SGSM1: variants seen among roughly 807,000 people sequenced by gnomAD.
The protein encoded by SGSM1 is small G protein signaling modulator 1.
Under a neutral mutation model 133.8 loss-of-function variants are expected in SGSM1, and 73 were observed. That is an observed-to-expected ratio of 0.55 (90% CI 0.45 to 0.66). The LOEUF is 0.66. Ranked by LOEUF, SGSM1 falls within the 30% of genes least tolerant of loss-of-function variation. SGSM1 has a pLI of 0.00. For missense variants in SGSM1, 1,213 were observed against 1,448.1 expected (o/e 0.84, Z 2.64); for synonymous variants, 563 against 573.0 (o/e 0.98, Z 0.25).
chr22:24,871,100 G>C (rs1931743183), intron 12 of SGSM1, among the ~76,000 whole-genome samples: 1 of 152,166 alleles, frequency 6.6e-6, no homozygotes, highest in African/African-American at 2.4e-5. Flanking sequence ...TGTAGGAGGT[G>C]GTCCTGTGCA....
Position 24,859,706 on chromosome 22 carries a change from C to T in SGSM1, c.802-10C>T. The T allele has an allele frequency of 6.2e-7, 1 of 1,613,666 alleles. No homozygotes were observed. The highest frequency in any genetic ancestry group is 8.5e-7 in the Non-Finnish European group (1 of 1,179,842). Reference sequence around the variant, plus strand: ...ACCATGGCCAGACCTGAGTCCTCCTCTCTCTGCAGAGGGACGACATGGAGG... The same window carrying T: ...ACCATGGCCAGACCTGAGTCCTCCTTTCTCTGCAGAGGGACGACATGGAGG... On this transcript the variant is annotated splice_polypyrimidine_tract_variant and intron_variant, in intron 8 of 24. Coordinates refer to ENST00000400358, the MANE Select transcript of SGSM1 (RefSeq NM_001098497.3).
At chr22:24,808,098 CT>C (rs916733299) in intron 2 of SGSM1, among the ~76,000 whole-genome samples, 28 of 144,814 alleles carry the variant, frequency 1.9e-4, no homozygotes, top group African/African-American at 3.3e-4. Flanking sequence ...AACCTCTTAT[CT>C]TTTTTTTTTC....
intron 4 of SGSM1, 40 bp downstream of exon 4, chr22:24,847,836 CCAATAGTCCA>C (rs1265943588): frequency 1.9e-6 from 3 of 1,601,094 alleles, no homozygotes; most frequent in Admixed American, 1.7e-5. Flanking sequence ...AGCAGCTCCC[CCAATAGTCCA>C]CAGTCCTCCC....
intron 3 of SGSM1, among the ~76,000 whole-genome samples, chr22:24,846,012 C>G (rs1463197665): frequency 1.7e-4 from 10 of 60,348 alleles, no homozygotes; most frequent in Non-Finnish European, 3.3e-4. Flanking sequence ...TTTCTTTCTT[C>G]ATTTCTTTCT....
intron 24 of SGSM1, 39 bp downstream of exon 24, chr22:24,920,032 C>T: frequency 6.4e-7 from 1 of 1,553,042 alleles, no homozygotes; most frequent in Non-Finnish European, 8.7e-7. Flanking sequence ...GGGGTGCAGG[C>T]TTCTGGAGGC....
At chr22:24,892,477 T>G (rs1203867817) in intron 16 of SGSM1, among the ~76,000 whole-genome samples, 1 of 152,182 alleles carries the variant, frequency 6.6e-6, no homozygotes, top group Non-Finnish European at 1.5e-5. Flanking sequence ...TCTGTGGCCC[T>G]TCTGTAAGGC....
intron 2 of SGSM1, among the ~76,000 whole-genome samples, chr22:24,831,633 G>T (rs986097197): frequency 1.3e-5 from 2 of 152,134 alleles, no homozygotes; most frequent in East Asian, 3.9e-4. Flanking sequence ...TCCCATCCTT[G>T]GTTCCCATGG....
chr22:24,898,138 C>G lies in SGSM1; in HGVS notation c.2189C>G (p.Pro730Arg). Residue 730 changes from proline (P) to arginine (R), a missense_variant, in exon 19 of 25, where the codon CCC becomes CGC. Coordinates refer to ENST00000400358, the MANE Select transcript of SGSM1 (RefSeq NM_001098497.3). ...TCGGGCCTCTCAGAGCACTCAGAGC[C>G]CAGTCTGAGCACAGAAGACAGTGTC... ...FSSGLSEHSE[P>R]SLSTEDSVLD... The G allele has an allele frequency of 6.2e-7, 1 of 1,613,974 alleles. No homozygotes were observed. The highest frequency in any genetic ancestry group is 8.5e-7 in the Non-Finnish European group (1 of 1,179,902).
chr22:24,879,442 C>T lies in SGSM1; in HGVS notation c.1431-20C>T, dbSNP rs1369147200. 6.2e-7 allele frequency: 1 copy of T among 1,612,750 alleles called. No individual in the cohort carries two copies. On this transcript the variant is annotated intron_variant, in intron 13 of 24. Coordinates refer to ENST00000400358, the MANE Select transcript of SGSM1 (RefSeq NM_001098497.3). Reference sequence around the variant, plus strand: ...GTGTTTGGATCTATTCTAAGCATCTCCCTCTTTCTCCACCTGCAGGGCTCC... The same window carrying T: ...GTGTTTGGATCTATTCTAAGCATCTTCCTCTTTCTCCACCTGCAGGGCTCC...
chr22:24,851,436 G>GT (rs1491288846), intron 5 of SGSM1, among the ~76,000 whole-genome samples: 2 of 63,598 alleles, frequency 3.1e-5, no homozygotes, highest in African/African-American at 7.5e-5. Context: ...CAGGAAGGGA[G>GT]GGGGGGGTGG....
intron 9 of SGSM1, among the ~76,000 whole-genome samples, chr22:24,861,443 A>G (rs1221764158): frequency 6.6e-6 from 1 of 152,078 alleles, no homozygotes; most frequent in Non-Finnish European, 1.5e-5. Context: ...GGGCAGGACA[A>G]TTGGTCCTGT....
At chr22:24,917,789 T>C (rs780608147) in intron 23 of SGSM1, 35 bp downstream of exon 23, 2 of 1,567,494 alleles carry the variant, frequency 1.3e-6, no homozygotes, top group Non-Finnish European at 1.8e-6. Flanking sequence ...GTGTCCAGAC[T>C]CTTTGTAGCA....
chr22:24,850,038 G>T (rs1012262289), intron 4 of SGSM1, among the ~76,000 whole-genome samples: 3 of 152,060 alleles, frequency 2.0e-5, no homozygotes, highest in African/African-American at 7.2e-5. Flanking sequence ...AGAGGTGGGG[G>T]GTATCAGTAT....
At chr22:24,869,339 G>A (rs1231551964) in intron 12 of SGSM1, among the ~76,000 whole-genome samples, 1 of 152,108 alleles carries the variant, frequency 6.6e-6, no homozygotes, top group Non-Finnish European at 1.5e-5. Flanking sequence ...GGGCAACATG[G>A]CGAAACCCTG....
chr22:24,855,271 C>T lies in SGSM1; in HGVS notation c.524-14C>T, dbSNP rs1601925313. 2 of 1,604,974 alleles carry T rather than the reference C, an allele frequency of 1.2e-6. No homozygotes were observed. The highest frequency in any genetic ancestry group is 2.2e-5 in the South Asian group (2 of 89,536). ...TCCGGGGCAGTGGGTTTCCAGCCCC[C>T]ACATGCCCCTCAGTGGGGCCCTGTG... On this transcript the variant is annotated splice_polypyrimidine_tract_variant and intron_variant, in intron 6 of 24. Transcript: ENST00000400358.
Position 24,855,655 on chromosome 22 carries a change from G to A in SGSM1, c.776G>A (p.Gly259Asp). 6.2e-7 allele frequency: 1 copy of A among 1,613,888 alleles called. No homozygotes were observed. Among genetic ancestry groups the A allele is most frequent in the Non-Finnish European group, 8.5e-7 (1 of 1,179,864 alleles). The change falls in exon 8 of 25, where the codon GGC (glycine) becomes GAC (aspartate). Residue 259 changes from glycine to aspartate, a missense_variant. Physicochemically the swap from Gly to Asp is moderately conservative, Grantham distance 94 (BLOSUM62 -1). Coordinates refer to ENST00000400358, the MANE Select transcript of SGSM1 (RefSeq NM_001098497.3). ...HQNSRATLLYGKNNVLVQPRD... is the reference protein window; with the variant it reads ...HQNSRATLLYDKNNVLVQPRD... Reference sequence around the variant, plus strand: ...AACTCCCGTGCCACCCTTCTCTATGGCAAAAACAACGTTCTTGTTCAGCCG... The same window carrying A: ...AACTCCCGTGCCACCCTTCTCTATGACAAAAACAACGTTCTTGTTCAGCCG...
At chr22:24,808,168 C>G (rs1443464073) in intron 2 of SGSM1, among the ~76,000 whole-genome samples, 1 of 145,188 alleles carries the variant, frequency 6.9e-6, no homozygotes, top group Non-Finnish European at 1.5e-5. Context: ...GGATAGAGTA[C>G]AGTGGCACAG....
intron 13 of SGSM1, among the ~76,000 whole-genome samples, chr22:24,878,634 A>C (rs934988692): frequency 6.6e-6 from 1 of 151,762 alleles, no homozygotes; most frequent in African/African-American, 2.4e-5. Context: ...AGTGTACAAC[A>C]CTCCCTTCAG....
chr22:24,895,558 A>G (rs1242663023), intron 18 of SGSM1, among the ~76,000 whole-genome samples: 2 of 152,230 alleles, frequency 1.3e-5, no homozygotes, highest in African/African-American at 4.8e-5. Flanking sequence ...CTCTTGAAAT[A>G]ACACCACTAT....
Sources: allele counts gnomAD v4.1 joint callset (sites outside exome capture counted in the v4.1 genomes callset), GRCh38; gene constraint gnomAD v4.1.1; transcripts MANE v1.5; gene names NCBI Gene and HGNC (gene_info 2026-07-23, HGNC 2026-07-21).